SASS6: variants seen among roughly 807,000 people sequenced by gnomAD.
SASS6 encodes spindle assembly abnormal protein 6 homolog.
A neutral mutation model predicts 94.9 loss-of-function variants in SASS6; 59 were observed. That is an observed-to-expected ratio of 0.62 (90% CI 0.50 to 0.77). The LOEUF is 0.77. Ranked by LOEUF, SASS6 falls within the 30% of genes least tolerant of loss-of-function variation. The pLI is 0.00. For synonymous variants in SASS6, 264 were observed against 270.0 expected (o/e 0.98, Z 0.22); for missense variants, 698 against 734.1 (o/e 0.95, Z 0.57).
At chr1:100,107,303 G>C (rs893990724) in intron 11 of SASS6, 71 bp downstream of exon 11, 17 of 923,864 alleles carry the variant, frequency 1.8e-5, no homozygotes, top group Non-Finnish European at 2.5e-5. Context: ...ATTTGTTAAT[G>C]TAACAAAGCA....
intron 5 of SASS6, 45 bp downstream of exon 5, chr1:100,121,333 T>C (rs1180759294): frequency 6.9e-6 from 8 of 1,156,786 alleles, no homozygotes; most frequent in African/African-American, 4.7e-5. Flanking sequence ...TCAAAGACCA[T>C]TGATACTTAT....
intron 1 of SASS6, among the ~76,000 whole-genome samples, chr1:100,127,383 A>G (rs532743174): frequency 1.3e-5 from 2 of 152,368 alleles, no homozygotes; most frequent in East Asian, 3.9e-4. Flanking sequence ...ACTTGGAAAC[A>G]GTTGATCAAG....
intron 12 of SASS6, among the ~76,000 whole-genome samples, chr1:100,106,437 C>A (rs2101661601): frequency 6.6e-6 from 1 of 152,152 alleles, no homozygotes; most frequent in African/African-American, 2.4e-5. Context: ...TTTTACTGGG[C>A]AGATGATATA....
chr1:100,107,251 T>C (rs1362255290), intron 11 of SASS6, 123 bp downstream of exon 11: 1 of 658,392 alleles, frequency 1.5e-6, no homozygotes, highest in Non-Finnish European at 2.6e-6. Context: ...CTACTCAATC[T>C]AGTCATGTTC....
At chr1:100,096,070 C>G (rs565746449) in intron 14 of SASS6, among the ~76,000 whole-genome samples, 1 of 152,120 alleles carries the variant, frequency 6.6e-6, no homozygotes, top group Admixed American at 6.5e-5. Flanking sequence ...TTTCATGAAA[C>G]TGTAAAAGAT....
intron 2 of SASS6, among the ~76,000 whole-genome samples, chr1:100,124,674 C>A (rs1050195048): frequency 6.6e-6 from 1 of 152,220 alleles, no homozygotes; most frequent in Non-Finnish European, 1.5e-5. Context: ...AGGCACTGCC[C>A]TTGGCACAGA....
chr1:100,126,632 C>G (rs1202024067), intron 1 of SASS6, among the ~76,000 whole-genome samples: 1 of 152,068 alleles, frequency 6.6e-6, no homozygotes, highest in African/African-American at 2.4e-5. Context: ...CAAAAACAAG[C>G]CAGGCGTGGT....
intron 11 of SASS6, 46 bp downstream of exon 11, chr1:100,107,328 G>T: frequency 8.2e-7 from 1 of 1,223,032 alleles, no homozygotes; most frequent in South Asian, 1.4e-5. Flanking sequence ...TTTTTAAAAC[G>T]AGGAAAAAAT....
At chr1:100,109,023 G>T (rs903937324) in intron 8 of SASS6, among the ~76,000 whole-genome samples, 1 of 151,724 alleles carries the variant, frequency 6.6e-6, no homozygotes, top group Non-Finnish European at 1.5e-5. Context: ...CAAGTCTTAT[G>T]AAAATCTTGG....
intron 14 of SASS6, among the ~76,000 whole-genome samples, 156 bp downstream of exon 14, chr1:100,102,797 CAT>C (rs1292307518): frequency 5.3e-5 from 8 of 151,484 alleles, no homozygotes; most frequent in Non-Finnish European, 8.8e-5. Flanking sequence ...TTCCTGTACA[CAT>C]AGATACTAGA....
intron 1 of SASS6, among the ~76,000 whole-genome samples, chr1:100,127,949 T>C (rs1419339523): frequency 2.0e-5 from 3 of 152,248 alleles, no homozygotes; most frequent in African/African-American, 7.2e-5. Context: ...TGAAGTTTTC[T>C]CTAGTATAAA....
At chr1:100,096,098 A>G (rs1652083118) in intron 14 of SASS6, among the ~76,000 whole-genome samples, 1 of 152,232 alleles carries the variant, frequency 6.6e-6, no homozygotes, top group Admixed American at 6.5e-5. Flanking sequence ...AATTTTGAAA[A>G]GGAAGAATAG....
At chr1:100,111,542 A>G (rs1036679061) in intron 7 of SASS6, among the ~76,000 whole-genome samples, 4 of 152,080 alleles carry the variant, frequency 2.6e-5, no homozygotes, top group Non-Finnish European at 5.9e-5. Context: ...AATTCAGATT[A>G]TTTCTTTATG....
chr1:100,085,271 T>G lies in SASS6; in HGVS notation c.*57A>C. 4 of 1,096,814 alleles carry G rather than the reference T, an allele frequency of 3.6e-6. No homozygotes were observed. The highest frequency in any genetic ancestry group is 5.6e-6 in the Non-Finnish European group (4 of 710,514). 67.9% of individuals were successfully genotyped at this position (1,096,814 alleles called of 1,614,324 possible). ...TGAGGATCTGGTTTGTGTTGACATA[T>G]TTTTTAAGCACCTGAGTTTCTAAAA... On this transcript the variant is annotated 3_prime_UTR_variant, in exon 17 of 17. Transcript: ENST00000287482.
At chr1:100,129,797 T>A (rs1052936267) in intron 1 of SASS6, among the ~76,000 whole-genome samples, 19 of 152,174 alleles carry the variant, frequency 1.2e-4, no homozygotes, top group African/African-American at 4.3e-4. Context: ...GAAACAAAAC[T>A]GAAAAGGCAG....
chr1:100,093,520 G>C (rs1400182688), intron 14 of SASS6, among the ~76,000 whole-genome samples: 2 of 152,168 alleles, frequency 1.3e-5, no homozygotes, highest in African/African-American at 4.8e-5. Context: ...CCACACTTTG[G>C]GAGGCCAAGG....
chr1:100,106,681 G>A (rs75079798), intron 12 of SASS6, among the ~76,000 whole-genome samples: 1 of 151,892 alleles, frequency 6.6e-6, no homozygotes, highest in Non-Finnish European at 1.5e-5. Context: ...ATAAAATCTC[G>A]TCTCTACAAA....
At chr1:100,087,264 T>G (rs554383426) in intron 15 of SASS6, among the ~76,000 whole-genome samples, 1 of 152,370 alleles carries the variant, frequency 6.6e-6, no homozygotes, top group East Asian at 1.9e-4. Context: ...ATTACAGGCA[T>G]GAGCCACTGT....
chr1:100,110,473 T>C lies in SASS6; in HGVS notation c.680A>G (p.Gln227Arg), dbSNP rs766349970. ...EKEKALQAQV[Q>R]YQQQHEQQKK... ...CTGTTGTTCATGCTGCTGTTGATAT[T>C]GAACCTGTGCCTATGATACAATAAA... The change falls in exon 8 of 17, where the codon CAA becomes CGA. Residue 227 changes from glutamine to arginine, a missense_variant. Gln to Arg is a conservative substitution (Grantham distance 43, BLOSUM62 1). Transcript: ENST00000287482. The C allele has an allele frequency of 1.9e-6, 3 of 1,595,618 alleles. No individual in the cohort carries two copies. Among genetic ancestry groups the C allele is most frequent in the Non-Finnish European group, 2.6e-6 (3 of 1,169,542 alleles).
Sources: allele counts gnomAD v4.1 joint callset (sites outside exome capture counted in the v4.1 genomes callset), GRCh38; gene constraint gnomAD v4.1.1; transcripts MANE v1.5; gene names NCBI Gene and HGNC (gene_info 2026-07-23, HGNC 2026-07-21).